The following FSTL4 variants were observed in gnomAD, a reference collection of about 807,000 sequenced individuals.
FSTL4 encodes follistatin-related protein 4.
Under a neutral mutation model 78.2 loss-of-function variants are expected in FSTL4, and 28 were observed. The observed-to-expected ratio is 0.36, with a 90% CI of 0.27 to 0.49. The LOEUF is 0.49. FSTL4 is among the 20% of genes least tolerant of loss of function. FSTL4 has a pLI of 0.98. For missense variants in FSTL4, 922 were observed against 1,084.9 expected, an observed-to-expected ratio of 0.85 and a Z score of 2.11; for synonymous variants, 422 against 440.5, an observed-to-expected ratio of 0.96 and a Z score of 0.53.
At chr5:133,439,168 C>T (rs1016877239) in intron 3 of FSTL4, among the ~76,000 whole-genome samples, 5 of 152,192 alleles carry the variant, frequency 3.3e-5, no homozygotes, top group Non-Finnish European at 7.3e-5. Flanking sequence ...GCAGTTTGGG[C>T]CACCTGAGGA....
At chr5:133,650,849 G>A in the FSTL4 span, among the ~76,000 whole-genome samples, 4 of 152,090 alleles carry the variant, frequency 2.6e-5, no homozygotes, top group Non-Finnish European at 4.4e-5. Flanking sequence ...CAAAACTAAC[G>A]TCTTGACTAT....
At chr5:133,482,760 G>C (rs1170726236) in intron 3 of FSTL4, among the ~76,000 whole-genome samples, 1 of 152,182 alleles carries the variant, frequency 6.6e-6, no homozygotes, top group Non-Finnish European at 1.5e-5. Flanking sequence ...AGGGAGGGCA[G>C]GGGCTCTGAG....
chr5:133,241,303 T>A (rs1751866152), intron 7 of FSTL4, among the ~76,000 whole-genome samples: 1 of 152,252 alleles, frequency 6.6e-6, no homozygotes, highest in South Asian at 2.1e-4. Context: ...GGGAACCACC[T>A]GACTTCCAGT....
At chr5:133,481,268 C>T (rs758967879) in intron 3 of FSTL4, among the ~76,000 whole-genome samples, 2 of 152,102 alleles carry the variant, frequency 1.3e-5, no homozygotes, top group East Asian at 1.9e-4. Context: ...TGGTCAGGCA[C>T]GGTGGTTCAC....
chr5:133,597,132 C>T (rs1760754649), intron 2 of FSTL4, among the ~76,000 whole-genome samples: 1 of 152,110 alleles, frequency 6.6e-6, no homozygotes, highest in Non-Finnish European at 1.5e-5. Flanking sequence ...CAGTATGCTC[C>T]ACCTCCCAGG....
chr5:133,287,261 G>A (rs10045876), intron 6 of FSTL4, among the ~76,000 whole-genome samples: 8,890 of 151,956 alleles, frequency 0.059, 835 homozygotes, highest in African/African-American at 0.2. Flanking sequence ...GGTGGCGGGC[G>A]CCTGTAGTCC....
intron 3 of FSTL4, among the ~76,000 whole-genome samples, chr5:133,436,580 T>C (rs1757036615): frequency 6.6e-6 from 1 of 152,182 alleles, no homozygotes; most frequent in African/African-American, 2.4e-5. Context: ...AGCAATGATA[T>C]GCTGGAGACT....
At chr5:133,798,992 G>T in the FSTL4 span, among the ~76,000 whole-genome samples, 1 of 131,894 alleles carries the variant, frequency 7.6e-6, no homozygotes, top group Non-Finnish European at 1.7e-5. Flanking sequence ...GAGGGAGGAA[G>T]GGAGGGAGAG....
At chr5:133,231,588 G>C (rs1213087362) in intron 8 of FSTL4, among the ~76,000 whole-genome samples, 8 of 152,116 alleles carry the variant, frequency 5.3e-5, no homozygotes, top group Admixed American at 2.6e-4. Context: ...TGTCGCCCAG[G>C]TTGGAGTGCA....
the FSTL4 span, among the ~76,000 whole-genome samples, chr5:133,794,776 A>G: frequency 6.6e-6 from 1 of 152,118 alleles, no homozygotes; most frequent in Non-Finnish European, 1.5e-5. Flanking sequence ...AGCACACACC[A>G]CAACCATGTC....
chr5:133,340,938 G>A lies in FSTL4; in HGVS notation c.410-24286C>T, dbSNP rs1312271385. Among the ~76,000 whole-genome samples the A allele has an allele frequency of 2.0e-5, 3 of 151,772 alleles. No homozygotes were observed. In the East Asian group the frequency reaches 5.8e-4, roughly 29 times the overall value. On this transcript the variant is annotated intron_variant, in intron 4 of 15. Coordinates refer to ENST00000265342, the MANE Select transcript of FSTL4 (RefSeq NM_015082.2). ...AGAGAGCCTCCTGAGACAGTGCCTGGCCCTCTATTGTCAAAAGCTTTTAGG... is the reference window on the plus strand; with the variant it reads ...AGAGAGCCTCCTGAGACAGTGCCTGACCCTCTATTGTCAAAAGCTTTTAGG...
At chr5:133,692,214 T>C in the FSTL4 span, among the ~76,000 whole-genome samples, 8 of 151,862 alleles carry the variant, frequency 5.3e-5, 1 homozygote, top group East Asian at 1.9e-4. Context: ...GGAGAGTAAG[T>C]GGTTTGTGCA....
Position 133,217,382 on chromosome 5 carries a change from C to G in FSTL4, c.1459-4G>C, listed in dbSNP as rs1455260151. 1 of 1,613,654 alleles carries G rather than the reference C, an allele frequency of 6.2e-7. No individual in the cohort carries two copies. The highest frequency in any genetic ancestry group is 8.5e-7 in the Non-Finnish European group (1 of 1,179,738). On this transcript the variant is annotated splice_region_variant and splice_polypyrimidine_tract_variant and intron_variant, in intron 12 of 15. Transcript: ENST00000265342. ...CTCTTTGAGGACAGATTTCTTCCTG[C>G]AAAGGAGATAGGCTGTCATATATCT... is the stretch of plus-strand genomic sequence containing the variant.
chr5:133,722,653 T>G, the FSTL4 span, among the ~76,000 whole-genome samples: 149,022 of 152,286 alleles, frequency 0.98, 72,930 homozygotes, highest in East Asian at 1. Flanking sequence ...GTAGTATCAC[T>G]TTTCCTTGCT....
chr5:133,382,117 C>G (rs1755588835), intron 4 of FSTL4, among the ~76,000 whole-genome samples: 1 of 152,228 alleles, frequency 6.6e-6, no homozygotes, highest in Non-Finnish European at 1.5e-5. Context: ...CAGATACCCC[C>G]TGAAGAGGTG....
the FSTL4 span, among the ~76,000 whole-genome samples, chr5:133,729,602 G>A: frequency 6.6e-6 from 1 of 151,974 alleles, no homozygotes; most frequent in Non-Finnish European, 1.5e-5. Flanking sequence ...TCTAGTTACT[G>A]CATTTAACTT....
At chr5:133,525,856 G>A (rs1403294614) in intron 3 of FSTL4, among the ~76,000 whole-genome samples, 1 of 152,148 alleles carries the variant, frequency 6.6e-6, no homozygotes, top group Non-Finnish European at 1.5e-5. Flanking sequence ...TGAAGCCCTG[G>A]TTTACTCCAT....
At chr5:133,350,792 T>C (rs1232685525) in intron 4 of FSTL4, among the ~76,000 whole-genome samples, 1 of 152,106 alleles carries the variant, frequency 6.6e-6, no homozygotes, top group African/African-American at 2.4e-5. Context: ...AGCCAAAATA[T>C]TCTCCTTCCA....
At chr5:133,283,483 C>T (rs1358989821) in intron 6 of FSTL4, among the ~76,000 whole-genome samples, 1 of 152,224 alleles carries the variant, frequency 6.6e-6, no homozygotes, top group Non-Finnish European at 1.5e-5. Flanking sequence ...GGACAGTCTG[C>T]TTTCCACTTC....
Sources: allele counts gnomAD v4.1 joint callset (sites outside exome capture counted in the v4.1 genomes callset), GRCh38; gene constraint gnomAD v4.1.1; transcripts MANE v1.5; gene names NCBI Gene and HGNC (gene_info 2026-07-23, HGNC 2026-07-21).